TBCA: variants seen among roughly 807,000 people sequenced by gnomAD.
The protein encoded by TBCA is tubulin folding cofactor A.
TBCA carries 6 observed loss-of-function variants against 15.8 expected under a neutral mutation model. The ratio of observed to expected loss-of-function variants is 0.38; its 90% CI spans 0.21 to 0.75. The LOEUF (loss-of-function observed/expected upper bound fraction) is 0.75. Among genes scored for constraint, TBCA ranks in the 30% least tolerant of loss-of-function variants. TBCA has a pLI of 0.46. For synonymous variants in TBCA, 32 were observed against 42.3 expected, an observed-to-expected ratio of 0.76 and a Z score of 0.94; for missense variants, 90 against 131.2, an observed-to-expected ratio of 0.69 and a Z score of 1.53.
chr5:77,717,851 C>T (rs554383754), intron 1 of TBCA, among the ~76,000 whole-genome samples: 6 of 151,444 alleles, frequency 4.0e-5, no homozygotes, highest in Admixed American at 2.0e-4. Context: ...AAAAAAAGGC[C>T]GGGGGCAGTG....
At chr5:77,753,244 T>C (rs1747396012) in intron 1 of TBCA, among the ~76,000 whole-genome samples, 1 of 152,178 alleles carries the variant, frequency 6.6e-6, no homozygotes, top group African/African-American at 2.4e-5. Flanking sequence ...TTACCAAAGA[T>C]TACCAAAGTC....
Position 77,739,404 on chromosome 5 carries a change from T to A in TBCA, c.54-31057A>T, listed in dbSNP as rs376424577. ...TGAACCTAGGAAGCAGAGGTTGTGG[T>A]GAGCCAAGATCGCACCACTGCACTC... On this transcript the variant is annotated intron_variant, in intron 1 of 3. Transcript: ENST00000380377. Among the ~76,000 whole-genome samples the A allele has an allele frequency of 5.9e-5, 9 of 152,310 alleles. No individual in the cohort carries two copies. In the South Asian group the frequency reaches 6.2e-4, roughly 11 times the overall value.
chr5:77,725,778 T>C (rs532587768), intron 1 of TBCA, among the ~76,000 whole-genome samples: 2 of 152,340 alleles, frequency 1.3e-5, no homozygotes, highest in South Asian at 2.1e-4. Flanking sequence ...ATAGTTAGCA[T>C]ATGCTACCAT....
intron 1 of TBCA, among the ~76,000 whole-genome samples, chr5:77,755,778 G>A (rs1747459496): frequency 6.6e-6 from 1 of 152,034 alleles, no homozygotes; most frequent in South Asian, 2.1e-4. Flanking sequence ...GCCAAGGAGG[G>A]CAGATCACCT....
chr5:77,715,398 A>G (rs753544973), intron 1 of TBCA: 5 of 630,836 alleles, frequency 7.9e-6, no homozygotes, highest in Non-Finnish European at 1.4e-5. Context: ...TCTTAGTGTG[A>G]GCTCTTATGA....
intron 2 of TBCA, among the ~76,000 whole-genome samples, chr5:77,698,251 C>T (rs917048709): frequency 2.0e-5 from 3 of 149,462 alleles, no homozygotes; most frequent in East Asian, 1.9e-4. Context: ...AAAAGCAGTC[C>T]GAAATAGAGG....
At chr5:77,769,610 G>A (rs1334775135) in intron 1 of TBCA, among the ~76,000 whole-genome samples, 2 of 151,706 alleles carry the variant, frequency 1.3e-5, no homozygotes, top group Non-Finnish European at 2.9e-5. Context: ...TTGTATATAG[G>A]ATGTAGATAT....
intron 1 of TBCA, among the ~76,000 whole-genome samples, chr5:77,744,530 CCTTT>C (rs1472346918): frequency 4.5e-5 from 5 of 111,096 alleles, no homozygotes; most frequent in African/African-American, 2.0e-4. Context: ...GTCTTATTCA[CCTTT>C]TTTTTTTTTT....
At chr5:77,695,106 G>A (rs1745844528) in intron 2 of TBCA, among the ~76,000 whole-genome samples, 2 of 152,094 alleles carry the variant, frequency 1.3e-5, no homozygotes, top group Non-Finnish European at 2.9e-5. Flanking sequence ...AAGATGAAAT[G>A]ACTAGGTCAA....
chr5:77,755,909 C>T (rs934917339), intron 1 of TBCA, among the ~76,000 whole-genome samples: 2 of 151,630 alleles, frequency 1.3e-5, no homozygotes, highest in East Asian at 2.0e-4. Context: ...GAGGCTGAGG[C>T]GGGAGGATAG....
At chr5:77,698,820 G>A (rs890698244) in intron 2 of TBCA, among the ~76,000 whole-genome samples, 15 of 151,914 alleles carry the variant, frequency 9.9e-5, no homozygotes, top group African/African-American at 3.1e-4. Flanking sequence ...TTCATTGTAC[G>A]TATGCAAGGA....
At chr5:77,696,703 CT>C (rs1561262208) in intron 2 of TBCA, among the ~76,000 whole-genome samples, 1 of 152,162 alleles carries the variant, frequency 6.6e-6, no homozygotes, top group Non-Finnish European at 1.5e-5. Context: ...AGGAAGATAG[CT>C]TGAGGCCAGT....
rs568090931 is a variant in TBCA, at chr5:77,736,130, C to T, written c.54-27783G>A. Among the ~76,000 whole-genome samples, 64 of 152,008 alleles carry T rather than the reference C, an allele frequency of 4.2e-4. 1 individual carries two copies. The South Asian group carries it at 7.9e-3, about 19-fold the overall frequency. On this transcript the variant is annotated intron_variant, in intron 1 of 3. Transcript: ENST00000380377. ...TGGGCAGATCACGAGGTTAGGAGAT[C>T]GAGACCATCCTGGCTAACACAGTGA...
intron 1 of TBCA, among the ~76,000 whole-genome samples, chr5:77,723,287 A>G (rs1341366469): frequency 6.6e-6 from 1 of 151,980 alleles, no homozygotes; most frequent in Non-Finnish European, 1.5e-5. Flanking sequence ...TAAAAAAAGT[A>G]ATTTTAAAGT....
intron 1 of TBCA, among the ~76,000 whole-genome samples, chr5:77,754,469 T>C (rs1168075314): frequency 6.6e-6 from 1 of 152,362 alleles, no homozygotes; most frequent in East Asian, 1.9e-4. Flanking sequence ...CTTTAGATTC[T>C]AATTTATGAC....
intron 1 of TBCA, 120 bp downstream of exon 1, chr5:77,776,085 G>T: frequency 7.9e-7 from 1 of 1,268,894 alleles, no homozygotes; most frequent in Non-Finnish European, 1.1e-6. Context: ...GCGGAGCCCC[G>T]GGTGCGGCCT....
intron 1 of TBCA, among the ~76,000 whole-genome samples, chr5:77,740,900 G>A (rs1747016055): frequency 6.6e-6 from 1 of 152,168 alleles, no homozygotes; most frequent in African/African-American, 2.4e-5. Flanking sequence ...AACAGTACAT[G>A]ACATATATTG....
chr5:77,739,465 CAA>C (rs1296282582), intron 1 of TBCA, among the ~76,000 whole-genome samples: 1 of 152,120 alleles, frequency 6.6e-6, no homozygotes, highest in Non-Finnish European at 1.5e-5. Context: ...TCAACAACAA[CAA>C]AAGTTTGAAA....
rs751633037 is a variant in TBCA, at chr5:77,708,331, C to G, written c.70G>C (p.Val24Leu). The G allele has an allele frequency of 1.2e-6, 2 of 1,609,242 alleles. No individual in the cohort carries two copies. Among genetic ancestry groups the G allele is most frequent in the South Asian group, 2.2e-5 (2 of 90,288 alleles). Residue 24 changes from valine to leucine, a missense_variant, in exon 2 of 4, where the codon GTG becomes CTG. Physicochemically the swap from Val to Leu is conservative, Grantham distance 32. Coordinates refer to ENST00000380377, the MANE Select transcript of TBCA (RefSeq NM_004607.3). ...TGTTTTGCCTCTTTTTCATACATCACTTTTTCTTTGACCAACCTATAAAAA... is the reference window on the plus strand; with the variant it reads ...TGTTTTGCCTCTTTTTCATACATCAGTTTTTCTTTGACCAACCTATAAAAA... ...GVVKRLVKEK[V>L]MYEKEAKQQE...
Sources: gnomAD v4.1 joint callset for allele counts (sites outside exome capture counted in the v4.1 genomes callset) on GRCh38, gnomAD v4.1.1 for gene constraint, MANE v1.5 for transcripts, NCBI Gene and HGNC (gene_info 2026-07-23, HGNC 2026-07-21) for gene names.